The following USP33 variants were observed in gnomAD, a reference collection of about 807,000 sequenced individuals.
USP33 encodes the protein ubiquitin specific peptidase 33.
USP33 carries 46 observed loss-of-function variants against 124.2 expected under a neutral mutation model. The observed-to-expected ratio is 0.37, with a 90% CI of 0.29 to 0.47. The LOEUF is 0.47. Ranked by LOEUF, USP33 falls within the 20% of genes least tolerant of loss-of-function variation. The probability of loss-of-function intolerance (pLI) is 0.99; values close to 1 mark genes in which losing one functional copy is unlikely to be tolerated. For missense variants in USP33, 851 were observed against 1,070.6 expected, an observed-to-expected ratio of 0.79 and a Z score of 2.86; for synonymous variants, 350 against 352.3, an observed-to-expected ratio of 0.99 and a Z score of 0.07.
intron 6 of USP33, among the ~76,000 whole-genome samples, chr1:77,735,048 A>G (rs941390671): frequency 5.3e-5 from 8 of 151,964 alleles, no homozygotes; most frequent in Non-Finnish European, 1.2e-4. Flanking sequence ...GTGTGAACCC[A>G]GGAGGCGGAG....
At chr1:77,741,882 G>A (rs1006256294) in intron 1 of USP33, 134 bp from the exon 2 acceptor site, 48 of 883,842 alleles carry the variant, frequency 5.4e-5, no homozygotes, top group Non-Finnish European at 7.4e-5. Flanking sequence ...ATATAAGTTT[G>A]CCCTGTAAAA....
intron 21 of USP33, 122 bp downstream of exon 21, chr1:77,711,625 T>C (rs1557821608): frequency 2.0e-6 from 3 of 1,486,232 alleles, no homozygotes; most frequent in South Asian, 2.8e-5. Flanking sequence ...ATTATGCACC[T>C]AGAACACTTG....
chr1:77,704,252 A>G (rs1650647133), intron 21 of USP33, among the ~76,000 whole-genome samples: 1 of 152,232 alleles, frequency 6.6e-6, no homozygotes, highest in Admixed American at 6.5e-5. Context: ...CTGATGGTTA[A>G]CAAAGAAATT....
At chr1:77,746,148 GAAGAA>G (rs914328765) in intron 1 of USP33, among the ~76,000 whole-genome samples, 26 of 152,178 alleles carry the variant, frequency 1.7e-4, no homozygotes, top group African/African-American at 6.0e-4. Context: ...GACTAATAAA[GAAGAA>G]AAGAGAGAAG....
Position 77,721,861 on chromosome 1 carries a change from C to G in USP33, c.1627G>C (p.Ala543Pro). Residue 543 changes from alanine (A) to proline (P), a missense_variant, in exon 14 of 24, where the codon GCT becomes CCT. This residue lies in a region of USP33 where 281 missense variants were observed against 425.0 expected (regional missense o/e 0.66). Transcript: ENST00000370794. ...GPVVTLQDCL[A>P]AFFARDELKG... ...AGTTCATCTCTGGCAAAGAAGGCAG[C>G]AAGACAATCTTGCAAGGTTACTACT... The G allele has an allele frequency of 6.2e-7, 1 of 1,609,694 alleles. No homozygotes were observed. The highest frequency in any genetic ancestry group is 8.5e-7 in the Non-Finnish European group (1 of 1,179,054).
At chr1:77,721,578 G>A (rs1347947069) in intron 14 of USP33, 20 of 494,256 alleles carry the variant, frequency 4.0e-5, no homozygotes, top group Non-Finnish European at 6.7e-5. Flanking sequence ...CCCTTCTATG[G>A]ATCTCAGAAC....
chr1:77,702,141 CAAAAAAAAAAAAAAA>C (rs58750531), intron 21 of USP33, among the ~76,000 whole-genome samples: 182 of 15,776 alleles, frequency 0.012, 2 homozygotes, highest in African/African-American at 0.02. Flanking sequence ...GACCCTGTCT[CAAAAAAAAAAAAAAA>C]AAAAAAAAAA....
chr1:77,715,270 AATCTAGGCTCACTGCAACCCCCAC>A (rs1210553940), intron 18 of USP33, among the ~76,000 whole-genome samples: 5 of 151,874 alleles, frequency 3.3e-5, no homozygotes, highest in Admixed American at 6.6e-5. Context: ...GCAGTGGCGC[AATCTAGGCTCACTGCAACCCCCAC>A]CCGCCGGGTT....
At chr1:77,711,665 T>A in intron 21 of USP33, 82 bp downstream of exon 21, 1 of 1,540,270 alleles carries the variant, frequency 6.5e-7, no homozygotes, top group South Asian at 1.3e-5. Context: ...CATCTAATCA[T>A]TTTATTAATA....
chr1:77,721,705 C>G (rs904885252), intron 14 of USP33, 126 bp downstream of exon 14: 3 of 792,018 alleles, frequency 3.8e-6, no homozygotes, highest in Non-Finnish European at 6.0e-6. Context: ...TAACCGAATG[C>G]CAATATGTGA....
intron 1 of USP33, 128 bp from the exon 2 acceptor site, chr1:77,741,876 A>G (rs113696772): frequency 5.5e-5 from 50 of 910,414 alleles, no homozygotes; most frequent in Non-Finnish European, 7.3e-5. Flanking sequence ...AGAATGATAT[A>G]AGTTTGCCCT....
chr1:77,701,631 C>G, intron 21 of USP33, 160 bp from the exon 22 acceptor site: 1 of 550,422 alleles, frequency 1.8e-6, no homozygotes, highest in East Asian at 3.3e-5. Context: ...TGGGCAACAT[C>G]GTGAGAACAT....
At chr1:77,740,610 C>A (rs1427600301) in intron 4 of USP33, among the ~76,000 whole-genome samples, 3 of 152,290 alleles carry the variant, frequency 2.0e-5, no homozygotes, top group Middle Eastern at 3.4e-3. Context: ...CCTGCCTTGG[C>A]CTTCCAAAGT....
intron 22 of USP33, among the ~76,000 whole-genome samples, chr1:77,698,796 G>A (rs112821782): frequency 1.4e-4 from 21 of 151,950 alleles, no homozygotes; most frequent in Non-Finnish European, 2.4e-4. Context: ...CACCACGCCC[G>A]GCCCAGAAAT....
chr1:77,720,194 ACCTT>A, intron 15 of USP33: 1 of 324,562 alleles, frequency 3.1e-6, no homozygotes, highest in Non-Finnish European at 4.2e-6. Flanking sequence ...AAAAAAAAAA[ACCTT>A]TATTCTTACA....
chr1:77,745,867 G>A (rs910795989), intron 1 of USP33, among the ~76,000 whole-genome samples: 143 of 152,272 alleles, frequency 9.4e-4, no homozygotes, highest in Non-Finnish European at 7.9e-4. Flanking sequence ...GAATCTCTGG[G>A]ACACATTTAA....
intron 1 of USP33, among the ~76,000 whole-genome samples, chr1:77,748,369 T>A (rs547775728): frequency 6.6e-6 from 1 of 152,130 alleles, no homozygotes; most frequent in Non-Finnish European, 1.5e-5. Flanking sequence ...TTACTTTACT[T>A]ATTAGAAATG....
At chr1:77,757,534 T>C (rs1680911679) in intron 1 of USP33, among the ~76,000 whole-genome samples, 1 of 151,836 alleles carries the variant, frequency 6.6e-6, no homozygotes, top group Admixed American at 6.5e-5. Flanking sequence ...TGCAGACACA[T>C]GTACACTTTT....
intron 1 of USP33, among the ~76,000 whole-genome samples, chr1:77,742,241 G>C (rs2101558867): frequency 6.6e-6 from 1 of 151,964 alleles, no homozygotes; most frequent in African/African-American, 2.4e-5. Flanking sequence ...TGGTATCCTG[G>C]CCTTATACCA....
Sources: gnomAD v4.1 joint callset for allele counts (sites outside exome capture counted in the v4.1 genomes callset) on GRCh38, gnomAD v4.1.1 for gene constraint, gnomAD v4.1.1 regional missense constraint, MANE v1.5 for transcripts, NCBI Gene and HGNC (gene_info 2026-07-23, HGNC 2026-07-21) for gene names.